CCDC171: variants seen among roughly 807,000 people sequenced by gnomAD.
CCDC171 encodes coiled-coil domain containing 171.
Under a neutral mutation model 168.2 loss-of-function variants are expected in CCDC171, and 177 were observed. The ratio of observed to expected loss-of-function variants is 1.05; its 90% CI spans 0.93 to 1.19. The LOEUF is 1.19. Ranked by LOEUF, CCDC171 falls within the 50% of genes most tolerant of loss-of-function variation. The pLI is 0.00. For missense variants in CCDC171, 1,991 were observed against 1,539.0 expected (o/e 1.29, Z -4.91); for synonymous variants, 687 against 540.8 (o/e 1.27, Z -3.75).
chr9:16,087,815 T>C, the CCDC171 span, among the ~76,000 whole-genome samples: 9 of 152,138 alleles, frequency 5.9e-5, no homozygotes, highest in Non-Finnish European at 1.2e-4. Flanking sequence ...TTTTGCCCTT[T>C]AGTTGATGCA....
chr9:15,903,533 A>G (rs1290535812), intron 24 of CCDC171, among the ~76,000 whole-genome samples: 1 of 152,170 alleles, frequency 6.6e-6, no homozygotes, highest in East Asian at 1.9e-4. Flanking sequence ...TCTGTACGTC[A>G]CCATCATCAA....
chr9:15,999,207 T>C (rs1338622504), intron 3 of CCDC171, among the ~76,000 whole-genome samples: 3 of 143,142 alleles, frequency 2.1e-5, no homozygotes, highest in Admixed American at 1.4e-4. Context: ...AGAGACCCTT[T>C]TGAAAAAAAA....
At chr9:15,807,584 C>G (rs1432925494) in intron 21 of CCDC171, among the ~76,000 whole-genome samples, 1 of 152,044 alleles carries the variant, frequency 6.6e-6, no homozygotes, top group Non-Finnish European at 1.5e-5. Context: ...TTGAGTGATT[C>G]TCAGTCTTGG....
chr9:15,838,744 T>C (rs1286689887), intron 21 of CCDC171, among the ~76,000 whole-genome samples: 1 of 152,212 alleles, frequency 6.6e-6, no homozygotes, highest in Non-Finnish European at 1.5e-5. Flanking sequence ...ATACCAGTTT[T>C]TTAAAGATGA....
At chr9:15,946,328 GA>G (rs1160481126) in intron 25 of CCDC171, among the ~76,000 whole-genome samples, 1 of 151,934 alleles carries the variant, frequency 6.6e-6, no homozygotes, top group Non-Finnish European at 1.5e-5. Flanking sequence ...AAAGTCTCAG[GA>G]TACAAAATCA....
At chr9:15,884,986 C>G (rs983971393) in intron 24 of CCDC171, among the ~76,000 whole-genome samples, 3 of 152,132 alleles carry the variant, frequency 2.0e-5, no homozygotes, top group African/African-American at 7.2e-5. Flanking sequence ...TTTAGTGTTT[C>G]CTTCCAGTTA....
At chr9:15,935,527 TTAAG>T (rs1389849818) in intron 25 of CCDC171, among the ~76,000 whole-genome samples, 2 of 152,058 alleles carry the variant, frequency 1.3e-5, no homozygotes, top group African/African-American at 2.4e-5. Flanking sequence ...CAACAATAGA[TTAAG>T]TGTGTTTCTA....
intron 7 of CCDC171, among the ~76,000 whole-genome samples, chr9:15,633,264 A>G (rs1317239204): frequency 2.0e-5 from 3 of 152,194 alleles, no homozygotes; most frequent in African/African-American, 4.8e-5. Flanking sequence ...AAGTTTTGCA[A>G]CCTACTCATC....
At chr9:15,833,924 T>C (rs544003602) in intron 21 of CCDC171, among the ~76,000 whole-genome samples, 1 of 152,248 alleles carries the variant, frequency 6.6e-6, no homozygotes, top group East Asian at 1.9e-4. Flanking sequence ...CCCAGAGATG[T>C]TTATTGAGAA....
At chr9:15,700,387 C>T (rs570646712) in intron 11 of CCDC171, among the ~76,000 whole-genome samples, 525 of 152,324 alleles carry the variant, frequency 3.4e-3, no homozygotes, top group Middle Eastern at 6.8e-3. Context: ...GGCCTGCAAG[C>T]GCTGCGCGCA....
chr9:15,656,215 G>C (rs745489949), intron 7 of CCDC171, among the ~76,000 whole-genome samples: 6 of 152,050 alleles, frequency 3.9e-5, no homozygotes, highest in African/African-American at 1.4e-4. Flanking sequence ...CCAGCTACTT[G>C]GGAGGCTGAG....
In CCDC171 at chr9:15,818,243, G is replaced by T. The variant is rs1418797707; in HGVS notation, c.3268-28459G>T. ...AGGTAGCTAAAACCACAAAGATAGGGAAAAAACAGAGCAGAAATACTGGAA... is the reference window on the plus strand; with the variant it reads ...AGGTAGCTAAAACCACAAAGATAGGTAAAAAACAGAGCAGAAATACTGGAA... On this transcript the variant is annotated intron_variant, in intron 21 of 25. Transcript: ENST00000380701. 1.7e-5 allele frequency among the ~76,000 whole-genome samples: 2 copies of T among 116,432 alleles called. 1 individual carries two copies. Among genetic ancestry groups the T allele is most frequent in the Non-Finnish European group, 3.8e-5 (2 of 52,034 alleles). The allele number at this position is 116,432 out of a possible 152,430, so 76.4% of individuals were successfully genotyped here.
At chr9:16,000,075 C>G (rs543141064) in intron 3 of CCDC171, among the ~76,000 whole-genome samples, 9 of 152,258 alleles carry the variant, frequency 5.9e-5, no homozygotes, top group Admixed American at 1.3e-4. Context: ...TTTAAAGAAG[C>G]ATTTTTTAAC....
intron 24 of CCDC171, among the ~76,000 whole-genome samples, chr9:15,906,183 A>G (rs970678014): frequency 6.6e-6 from 1 of 152,230 alleles, no homozygotes; most frequent in African/African-American, 2.4e-5. Context: ...TGAGGCCAGC[A>G]TCATCCTGAT....
chr9:15,941,685 A>G (rs1474591669), intron 25 of CCDC171, among the ~76,000 whole-genome samples: 1 of 151,960 alleles, frequency 6.6e-6, no homozygotes. Flanking sequence ...GTGCTACAAT[A>G]TATAATTTGA....
At chr9:15,772,664 G>C (rs1355466315) in intron 18 of CCDC171, among the ~76,000 whole-genome samples, 1 of 152,168 alleles carries the variant, frequency 6.6e-6, no homozygotes, top group Non-Finnish European at 1.5e-5. Context: ...ATGTTTTAAG[G>C]AGTTTAAAAT....
intron 25 of CCDC171, among the ~76,000 whole-genome samples, chr9:15,932,055 A>T (rs1298542348): frequency 6.6e-6 from 1 of 151,472 alleles, no homozygotes; most frequent in African/African-American, 2.4e-5. Flanking sequence ...GCTTTGTTTC[A>T]TTTGCTCAGG....
At chr9:15,609,066 G>T (rs2043451902) in intron 6 of CCDC171, among the ~76,000 whole-genome samples, 2 of 149,074 alleles carry the variant, frequency 1.3e-5, no homozygotes, top group Admixed American at 6.8e-5. Flanking sequence ...TAGAGACAGA[G>T]AGGCAATTTA....
chr9:15,989,779 A>G (rs1219996205), intron 3 of CCDC171, among the ~76,000 whole-genome samples: 1 of 152,166 alleles, frequency 6.6e-6, no homozygotes, highest in Non-Finnish European at 1.5e-5. Flanking sequence ...TAGGTGACAA[A>G]TGCACAAGCT....
Sources: gnomAD v4.1 joint callset for allele counts (sites outside exome capture counted in the v4.1 genomes callset) on GRCh38, gnomAD v4.1.1 for gene constraint, MANE v1.5 for transcripts, NCBI Gene and HGNC (gene_info 2026-07-23, HGNC 2026-07-21) for gene names.